SIPA1L1: variants seen among roughly 807,000 people sequenced by gnomAD.
The protein encoded by SIPA1L1 is signal-induced proliferation-associated 1-like protein 1.
Under a neutral mutation model 162.7 loss-of-function variants are expected in SIPA1L1, and 26 were observed. The observed-to-expected ratio is 0.16, with a 90% CI of 0.12 to 0.22. SIPA1L1 has a LOEUF of 0.22. Among genes scored for constraint, SIPA1L1 ranks in the 10% least tolerant of loss-of-function variants. The probability of loss-of-function intolerance (pLI) is 1.00; values close to 1 mark genes in which losing one functional copy is unlikely to be tolerated. For missense variants in SIPA1L1, 1,874 were observed against 2,241.0 expected (o/e 0.84, Z 3.31); for synonymous variants, 829 against 837.4 (o/e 0.99, Z 0.17).
At chr14:71,565,433 G>A (rs1450785873) in intron 4 of SIPA1L1, among the ~76,000 whole-genome samples, 4 of 152,178 alleles carry the variant, frequency 2.6e-5, no homozygotes, top group Non-Finnish European at 2.9e-5. Context: ...AGATTTTACC[G>A]AAGGTTCCAC....
chr14:71,599,147 C>CTTTTTTTTTT, intron 5 of SIPA1L1, among the ~76,000 whole-genome samples: 1 of 106,166 alleles, frequency 9.4e-6, no homozygotes, highest in Non-Finnish European at 1.8e-5. Context: ...TGATTTCATT[C>CTTTTTTTTTT]TTTTTTTTTT....
In SIPA1L1 at chr14:71,539,509, A is replaced by G. The variant is rs143403823; in HGVS notation, c.-303+10139A>G. On this transcript the variant is annotated intron_variant, in intron 4 of 23. Transcript: ENST00000381232. The stretch of plus-strand genomic sequence containing the variant: ...GTATTTCATAATATTTAGAAGTTGA[A>G]GAATCACTGCCCTTTATGTATGGCA... Among the ~76,000 whole-genome samples the G allele has an allele frequency of 5.2e-3, 799 of 152,330 alleles. 1 individual carries two copies. Among genetic ancestry groups the G allele is most frequent in the Middle Eastern group, 0.041 (12 of 294 alleles).
In SIPA1L1 at chr14:71,488,253, T is replaced by C. The variant is rs990913158; in HGVS notation, c.-464-24490T>C. 2.0e-5 allele frequency among the ~76,000 whole-genome samples: 3 copies of C among 152,204 alleles called. No individual in the cohort carries two copies. In the East Asian group the frequency reaches 5.8e-4, roughly 29 times the overall value. On this transcript the variant is annotated intron_variant, in intron 2 of 23. Coordinates refer to ENST00000381232, the MANE Select transcript of SIPA1L1 (RefSeq NM_001386936.1). Reference sequence around the variant, plus strand: ...CTGCTATATTCACTTTCATTACTGATTATTAATAGTTTATTAAATGGAGTT... The same window carrying C: ...CTGCTATATTCACTTTCATTACTGACTATTAATAGTTTATTAAATGGAGTT...
chr14:71,700,531 A>G (rs927502918), intron 14 of SIPA1L1, among the ~76,000 whole-genome samples: 1 of 152,228 alleles, frequency 6.6e-6, no homozygotes, highest in Non-Finnish European at 1.5e-5. Flanking sequence ...TGTAATTGTG[A>G]GTCCTTTTTT....
chr14:71,709,299 G>T lies in SIPA1L1; in HGVS notation c.3843G>T (p.Lys1281Asn), dbSNP rs1206021951. The stretch of plus-strand genomic sequence containing the variant: ...CGTCAAGTGCCCATAGTGATGAGAA[G>T]TGGTACGATGGGGACCGCACAGAAT... Reference protein sequence around the residue: ...SNASSAHSDEKWYDGDRTESE... With the variant: ...SNASSAHSDENWYDGDRTESE... Residue 1281 changes from lysine to asparagine, a missense_variant, in exon 17 of 24, where the codon AAG (lysine) becomes AAT (asparagine). Transcript: ENST00000381232. The T allele has an allele frequency of 6.2e-7, 1 of 1,614,120 alleles. No homozygotes were observed. Among genetic ancestry groups the T allele is most frequent in the Non-Finnish European group, 8.5e-7 (1 of 1,180,060 alleles).
intron 2 of SIPA1L1, among the ~76,000 whole-genome samples, chr14:71,396,278 A>G (rs536191099): frequency 2.0e-5 from 3 of 152,274 alleles, no homozygotes; most frequent in African/African-American, 7.2e-5. Flanking sequence ...TTTATACCCA[A>G]TTATCTAAAG....
At chr14:71,708,558 G>GA (rs1490576384) in intron 16 of SIPA1L1, among the ~76,000 whole-genome samples, 1 of 152,112 alleles carries the variant, frequency 6.6e-6, no homozygotes, top group Non-Finnish European at 1.5e-5. Flanking sequence ...CTCCTGAGCT[G>GA]AAGCAATCCA....
intron 2 of SIPA1L1, among the ~76,000 whole-genome samples, chr14:71,363,958 GCCT>G (rs2038042189): frequency 6.6e-6 from 1 of 152,044 alleles, no homozygotes; most frequent in African/African-American, 2.4e-5. Context: ...ACACTTCAGG[GCCT>G]CCTCCTTATC....
At chr14:71,580,268 A>C (rs1322968034) in intron 4 of SIPA1L1, among the ~76,000 whole-genome samples, 1 of 152,170 alleles carries the variant, frequency 6.6e-6, no homozygotes, top group Non-Finnish European at 1.5e-5. Flanking sequence ...CCACATAGAG[A>C]CATTCTTCAG....
intron 4 of SIPA1L1, among the ~76,000 whole-genome samples, chr14:71,544,664 T>TA (rs1231317732): frequency 1.3e-5 from 2 of 152,190 alleles, no homozygotes; most frequent in Non-Finnish European, 2.9e-5. Flanking sequence ...TGTTAAGGTT[T>TA]ACTTGCACTG....
At chr14:71,498,700 G>A (rs1412318324) in intron 2 of SIPA1L1, among the ~76,000 whole-genome samples, 2 of 152,090 alleles carry the variant, frequency 1.3e-5, no homozygotes, top group African/African-American at 4.8e-5. Flanking sequence ...TTGAGTTTGG[G>A]TAGTTTTTGT....
At chr14:71,368,057 G>A (rs1206539049) in intron 2 of SIPA1L1, among the ~76,000 whole-genome samples, 2 of 149,134 alleles carry the variant, frequency 1.3e-5, no homozygotes, top group Admixed American at 6.7e-5. Context: ...AGACTTTTTC[G>A]TTGTTGTTAG....
chr14:71,403,586 T>TGA (rs1194992151), intron 2 of SIPA1L1, among the ~76,000 whole-genome samples: 1 of 125,060 alleles, frequency 8.0e-6, no homozygotes, highest in Non-Finnish European at 1.6e-5. Flanking sequence ...GGTGACAGGC[T>TGA]GAGACTCTGT....
chr14:71,577,693 A>G (rs1364632728), intron 4 of SIPA1L1, among the ~76,000 whole-genome samples: 1 of 147,228 alleles, frequency 6.8e-6, no homozygotes, highest in Admixed American at 6.7e-5. Context: ...TTTGTGTTAT[A>G]CACAATTTGC....
chr14:71,544,435 T>G (rs1415968484), intron 4 of SIPA1L1, among the ~76,000 whole-genome samples: 1 of 152,138 alleles, frequency 6.6e-6, no homozygotes, highest in Non-Finnish European at 1.5e-5. Flanking sequence ...CCTGTTCATT[T>G]TCTTAACGAT....
chr14:71,608,451 TTTCA>T (rs2037786802), intron 5 of SIPA1L1, among the ~76,000 whole-genome samples: 1 of 152,194 alleles, frequency 6.6e-6, no homozygotes, highest in South Asian at 2.1e-4. Context: ...TTGTAATTTC[TTTCA>T]TTTAGATGTT....
At chr14:71,639,042 G>A (rs767803992) in intron 7 of SIPA1L1, among the ~76,000 whole-genome samples, 2 of 152,122 alleles carry the variant, frequency 1.3e-5, no homozygotes, top group Non-Finnish European at 2.9e-5. Flanking sequence ...ATAAACAAAA[G>A]CTTGGGCATG....
chr14:71,486,888 G>A (rs1381775116), intron 2 of SIPA1L1, among the ~76,000 whole-genome samples: 7 of 152,092 alleles, frequency 4.6e-5, no homozygotes, highest in African/African-American at 7.2e-5. Flanking sequence ...ATTTTTTCAT[G>A]CTTCTTCTAA....
At chr14:71,386,228 C>G (rs774139756) in intron 2 of SIPA1L1, among the ~76,000 whole-genome samples, 2 of 152,144 alleles carry the variant, frequency 1.3e-5, no homozygotes, top group Non-Finnish European at 2.9e-5. Flanking sequence ...AGCAAGGAAG[C>G]CAGTCCAAGT....
Sources: allele counts gnomAD v4.1 joint callset (sites outside exome capture counted in the v4.1 genomes callset), GRCh38; gene constraint gnomAD v4.1.1; transcripts MANE v1.5; gene names NCBI Gene and HGNC (gene_info 2026-07-23, HGNC 2026-07-21).